CALN1: variants seen among roughly 807,000 people sequenced by gnomAD.
The protein encoded by CALN1 is calcium-binding protein 8.
A neutral mutation model predicts 30.6 loss-of-function variants in CALN1; 17 were observed. The observed-to-expected ratio is 0.56, with a 90% CI of 0.38 to 0.83. The LOEUF (loss-of-function observed/expected upper bound fraction) is 0.83. CALN1 is among the 40% of genes least tolerant of loss of function. The probability of loss-of-function intolerance (pLI) is 0.00; values close to 1 mark genes in which losing one functional copy is unlikely to be tolerated. For missense variants in CALN1, 291 were observed against 354.9 expected, an observed-to-expected ratio of 0.82 and a Z score of 1.45; for synonymous variants, 156 against 131.4, an observed-to-expected ratio of 1.19 and a Z score of -1.28.
the CALN1 span, among the ~76,000 whole-genome samples, chr7:72,458,210 TTTA>T: frequency 2.2e-4 from 24 of 111,444 alleles, no homozygotes; most frequent in Admixed American, 2.5e-4. Context: ...TATAATATAT[TTTA>T]TAATATATTA....
At chr7:71,840,362 A>G (rs1056636860) in intron 5 of CALN1, among the ~76,000 whole-genome samples, 125 of 151,924 alleles carry the variant, frequency 8.2e-4, no homozygotes, top group African/African-American at 2.9e-3. Context: ...GTGTGCACCC[A>G]TAGTCCCAGC....
chr7:72,403,203 G>C (rs1806457094), intron 2 of CALN1, 48 bp downstream of exon 2: 4 of 1,469,032 alleles, frequency 2.7e-6, no homozygotes, highest in African/African-American at 2.8e-5. Flanking sequence ...CCCTACCTGA[G>C]GGCTGCCAAA....
At chr7:72,056,051 A>G (rs924839709) in intron 4 of CALN1, among the ~76,000 whole-genome samples, 1 of 152,192 alleles carries the variant, frequency 6.6e-6, no homozygotes, top group Non-Finnish European at 1.5e-5. Context: ...TAGGACCCAT[A>G]TGAAGAAACC....
intron 4 of CALN1, among the ~76,000 whole-genome samples, chr7:72,032,832 C>T (rs968722940): frequency 6.6e-6 from 1 of 152,184 alleles, no homozygotes; most frequent in Non-Finnish European, 1.5e-5. Flanking sequence ...GTCTCTTCCA[C>T]CAGAAAAGAA....
intron 5 of CALN1, among the ~76,000 whole-genome samples, chr7:71,961,315 C>A (rs1313415430): frequency 6.6e-6 from 1 of 152,224 alleles, no homozygotes; most frequent in Non-Finnish European, 1.5e-5. Context: ...TACATCCCCT[C>A]TTCTAAAGAC....
intron 1 of CALN1, among the ~76,000 whole-genome samples, chr7:72,439,927 G>A (rs1425334208): frequency 6.6e-6 from 1 of 152,088 alleles, no homozygotes; most frequent in Admixed American, 6.6e-5. Context: ...AAGAAAAAGA[G>A]GGGTTGGTGT....
At chr7:72,172,840 C>T (rs891851710) in intron 3 of CALN1, among the ~76,000 whole-genome samples, 1 of 152,170 alleles carries the variant, frequency 6.6e-6, no homozygotes, top group African/African-American at 2.4e-5. Flanking sequence ...CTCACATCAT[C>T]CTTGCCAGTG....
intron 5 of CALN1, among the ~76,000 whole-genome samples, chr7:71,847,607 AG>A (rs969421715): frequency 8.6e-5 from 13 of 151,586 alleles, no homozygotes; most frequent in South Asian, 4.2e-4. Context: ...TCTTGAACCC[AG>A]GGGGCAGAGG....
chr7:72,391,036 C>T (rs1017034201), intron 2 of CALN1, among the ~76,000 whole-genome samples: 1 of 152,144 alleles, frequency 6.6e-6, no homozygotes, highest in Non-Finnish European at 1.5e-5. Context: ...CATTGAAATT[C>T]TCCAGTTACT....
intron 6 of CALN1, among the ~76,000 whole-genome samples, chr7:71,801,994 A>G (rs1166194903): frequency 6.6e-6 from 1 of 151,994 alleles, no homozygotes; most frequent in Non-Finnish European, 1.5e-5. Flanking sequence ...AAAAGAAAAA[A>G]TTGCCATTCC....
At chr7:71,819,134 C>T (rs1486151277) in intron 5 of CALN1, among the ~76,000 whole-genome samples, 1 of 152,106 alleles carries the variant, frequency 6.6e-6, no homozygotes, top group Non-Finnish European at 1.5e-5. Context: ...GGACTACAGA[C>T]ATGCACCACC....
intron 2 of CALN1, chr7:72,337,506 G>C (rs1214435170): frequency 6.4e-6 from 1 of 157,466 alleles, no homozygotes; most frequent in South Asian, 2.0e-4. Flanking sequence ...GGCAGACGGT[G>C]CTCCTTCCTT....
At chr7:72,292,980 C>T (rs546198779) in intron 2 of CALN1, among the ~76,000 whole-genome samples, 52 of 152,226 alleles carry the variant, frequency 3.4e-4, no homozygotes, top group African/African-American at 1.1e-3. Context: ...AACCCCATCA[C>T]CAGAGCTTTC....
At chr7:72,352,540 A>G (rs1042588108) in intron 2 of CALN1, among the ~76,000 whole-genome samples, 1 of 152,194 alleles carries the variant, frequency 6.6e-6, no homozygotes, top group Admixed American at 6.5e-5. Flanking sequence ...ACAGTTTTGC[A>G]TAATGCGTAT....
intron 4 of CALN1, among the ~76,000 whole-genome samples, chr7:72,035,612 ATATTT>A (rs1195050492): frequency 1.3e-5 from 2 of 151,842 alleles, no homozygotes; most frequent in African/African-American, 2.4e-5. Flanking sequence ...CTTTTTGTGT[ATATTT>A]TATATCTATT....
intron 2 of CALN1, among the ~76,000 whole-genome samples, chr7:72,317,545 T>C (rs1198564853): frequency 6.6e-6 from 1 of 151,952 alleles, no homozygotes; most frequent in Non-Finnish European, 1.5e-5. Context: ...CAGCATCTGG[T>C]AGGATGGGAC....
intron 2 of CALN1, among the ~76,000 whole-genome samples, chr7:72,281,355 A>T (rs780452117): frequency 1.3e-5 from 2 of 152,168 alleles, no homozygotes; most frequent in South Asian, 2.1e-4. Flanking sequence ...CTGTTACAGC[A>T]GCACAAAACA....
At chr7:71,923,471 C>T (rs570307194) in intron 5 of CALN1, among the ~76,000 whole-genome samples, 1 of 152,278 alleles carries the variant, frequency 6.6e-6, no homozygotes, top group East Asian at 1.9e-4. Flanking sequence ...CAATTAACCT[C>T]AATAGTATGT....
intron 6 of CALN1, among the ~76,000 whole-genome samples, chr7:71,795,094 C>A (rs1479719889): frequency 6.6e-6 from 1 of 152,078 alleles, no homozygotes; most frequent in East Asian, 1.9e-4. Context: ...ACGATATTGG[C>A]TCGCTGCAAC....
Sources: allele counts gnomAD v4.1 joint callset (sites outside exome capture counted in the v4.1 genomes callset), GRCh38; gene constraint gnomAD v4.1.1; transcripts MANE v1.5; gene names NCBI Gene and HGNC (gene_info 2026-07-23, HGNC 2026-07-21).